The following DCAF8L2 variants were observed in gnomAD, a reference collection of about 807,000 sequenced individuals.
DCAF8L2 encodes DDB1 and CUL4 associated factor 8 like 2.
For synonymous variants in DCAF8L2, 200 were observed against 190.9 expected, an observed-to-expected ratio of 1.05 and a Z score of -0.39; for missense variants, 430 against 490.7, an observed-to-expected ratio of 0.88 and a Z score of 1.17.
At chrX:27,565,960 C>CT in the DCAF8L2 span, among the ~76,000 whole-genome samples, 1 of 110,840 alleles carries the variant, frequency 9.0e-6, no homozygotes, top group Admixed American at 9.7e-5. Flanking sequence ...CCCCATCCCT[C>CT]TAGTGTGCAT....
chrX:27,470,240 C>T, the DCAF8L2 span, among the ~76,000 whole-genome samples: 1 of 112,128 alleles, frequency 8.9e-6, no homozygotes, highest in African/African-American at 3.2e-5. Flanking sequence ...TAGGTGAGAA[C>T]AAATATTCTC....
the DCAF8L2 span, among the ~76,000 whole-genome samples, chrX:27,508,818 G>A: frequency 9.3e-6 from 1 of 107,819 alleles, no homozygotes; most frequent in African/African-American, 3.4e-5. Flanking sequence ...TACAAAATTA[G>A]TATCTATTTT....
chrX:27,677,198 A>G (rs1161401874), intron 2 of DCAF8L2, among the ~76,000 whole-genome samples: 1 of 111,919 alleles, frequency 8.9e-6, no homozygotes, highest in Non-Finnish European at 1.9e-5. Context: ...TGAGCAACAC[A>G]GAGACATAAA....
At chrX:27,732,815 A>G (rs1020749300) in intron 4 of DCAF8L2, among the ~76,000 whole-genome samples, 8 of 111,155 alleles carry the variant, frequency 7.2e-5, no homozygotes, top group Non-Finnish European at 1.5e-4. Flanking sequence ...CATAATGACT[A>G]TACCAAATTA....
intron 3 of DCAF8L2, among the ~76,000 whole-genome samples, chrX:27,702,068 AAAT>A (rs2147268822): frequency 1.8e-5 from 2 of 111,389 alleles, no homozygotes; most frequent in East Asian, 5.6e-4. Flanking sequence ...AATTTTAAGA[AAAT>A]AATGTGAATA....
intron 3 of DCAF8L2, among the ~76,000 whole-genome samples, chrX:27,693,833 C>G (rs1246977514): frequency 8.9e-6 from 1 of 111,946 alleles, no homozygotes; most frequent in Non-Finnish European, 1.9e-5. Flanking sequence ...AACATAACTA[C>G]CATTCAACCC....
At chrX:27,741,049 T>C (rs1921818300) in intron 4 of DCAF8L2, among the ~76,000 whole-genome samples, 1 of 111,745 alleles carries the variant, frequency 8.9e-6, no homozygotes, top group African/African-American at 3.3e-5. Flanking sequence ...AATGGAAATA[T>C]ATAAAGTGAA....
intron 3 of DCAF8L2, among the ~76,000 whole-genome samples, chrX:27,681,246 A>C (rs1340852754): frequency 1.8e-5 from 2 of 111,589 alleles, no homozygotes; most frequent in African/African-American, 3.3e-5. Context: ...CCACATGTTA[A>C]GTAAGCAGAG....
At chrX:27,552,290 T>A in the DCAF8L2 span, among the ~76,000 whole-genome samples, 4 of 111,900 alleles carry the variant, frequency 3.6e-5, no homozygotes, top group South Asian at 1.5e-3. Flanking sequence ...GTACAGAATG[T>A]TTTTAGTTTG....
the DCAF8L2 span, among the ~76,000 whole-genome samples, chrX:27,573,254 T>TCTCTCTCA: frequency 9.1e-3 from 906 of 99,710 alleles, 11 homozygotes; most frequent in Middle Eastern, 0.03. Context: ...TCTCTCTCTC[T>TCTCTCTCA]CACACACACA....
At chrX:27,613,801 C>T (rs1402404963) in intron 1 of DCAF8L2, among the ~76,000 whole-genome samples, 1 of 110,909 alleles carries the variant, frequency 9.0e-6, no homozygotes, top group African/African-American at 3.3e-5. Flanking sequence ...AGGGACGAAG[C>T]CAACTTGATC....
At chrX:27,538,644 G>A in the DCAF8L2 span, among the ~76,000 whole-genome samples, 106 of 99,199 alleles carry the variant, frequency 1.1e-3, 1 homozygote, top group African/African-American at 3.8e-3. Flanking sequence ...CGCCTGCCTC[G>A]GCCTCCCAAA....
the DCAF8L2 span, among the ~76,000 whole-genome samples, chrX:27,502,335 AATATATATATAT>A: frequency 5.4e-3 from 68 of 12,703 alleles, 1 homozygote; most frequent in African/African-American, 0.013. Context: ...AAAAAAAAAA[AATATATATATAT>A]ATATATATAT....
chrX:27,628,887 G>C (rs926555177), intron 1 of DCAF8L2, among the ~76,000 whole-genome samples: 1 of 111,686 alleles, frequency 9.0e-6, no homozygotes, highest in Non-Finnish European at 1.9e-5. Flanking sequence ...ACAGGTGTGA[G>C]TCTTTTTGAT....
intron 3 of DCAF8L2, among the ~76,000 whole-genome samples, chrX:27,688,103 T>A (rs948693847): frequency 9.0e-6 from 1 of 111,340 alleles, no homozygotes; most frequent in Non-Finnish European, 1.9e-5. Flanking sequence ...ATGTAGAGTA[T>A]CAGATAAAAA....
At chrX:27,495,295 T>C in the DCAF8L2 span, among the ~76,000 whole-genome samples, 1 of 111,995 alleles carries the variant, frequency 8.9e-6, no homozygotes, top group East Asian at 2.8e-4. Flanking sequence ...TACTGTGCCC[T>C]ATAGATTACT....
the DCAF8L2 span, among the ~76,000 whole-genome samples, chrX:27,529,548 G>A: frequency 8.9e-6 from 1 of 111,847 alleles, no homozygotes; most frequent in East Asian, 2.8e-4. Flanking sequence ...AAAATAATCA[G>A]ATGATTTGCA....
In DCAF8L2 at chrX:27,654,818, T is replaced by C. The variant is rs897318300; in HGVS notation, c.-220+22818T>C. ...CATTTACTTATACTTTGATTTTTCTTCATAAATGTTATTATTTTTCTATCT... is the reference window on the plus strand; with the variant it reads ...CATTTACTTATACTTTGATTTTTCTCCATAAATGTTATTATTTTTCTATCT... On this transcript the variant is annotated intron_variant, in intron 2 of 4. Transcript: ENST00000451261. Among the ~76,000 whole-genome samples the C allele has an allele frequency of 4.5e-5, 5 of 112,103 alleles. No individual in the cohort carries two copies. The South Asian group carries it at 1.8e-3, about 41-fold the overall frequency.
At chrX:27,517,047 G>A in the DCAF8L2 span, among the ~76,000 whole-genome samples, 1 of 111,228 alleles carries the variant, frequency 9.0e-6, no homozygotes, top group African/African-American at 3.3e-5. Flanking sequence ...GCCATCAAAG[G>A]ATTACAGGAG....
Sources: gnomAD v4.1 joint callset for allele counts (sites outside exome capture counted in the v4.1 genomes callset) on GRCh38, gnomAD v4.1.1 for gene constraint, MANE v1.5 for transcripts, NCBI Gene and HGNC (gene_info 2026-07-23, HGNC 2026-07-21) for gene names.